The following DOCK8 variants were observed in gnomAD, a reference collection of about 807,000 sequenced individuals.
DOCK8 encodes dedicator of cytokinesis protein 8.
Under a neutral mutation model 245.6 loss-of-function variants are expected in DOCK8, and 141 were observed. The ratio of observed to expected loss-of-function variants is 0.57; its 90% CI spans 0.50 to 0.66. DOCK8 has a LOEUF of 0.66. Ranked by LOEUF, DOCK8 falls within the 30% of genes least tolerant of loss-of-function variation. DOCK8 has a pLI of 0.00. For missense variants in DOCK8, 2,965 were observed against 2,603.4 expected (o/e 1.14, Z -3.02); for synonymous variants, 1,168 against 970.2 (o/e 1.20, Z -3.79).
intron 1 of DOCK8, among the ~76,000 whole-genome samples, chr9:249,202 C>T (rs2047588212): frequency 6.6e-6 from 1 of 152,222 alleles, no homozygotes; most frequent in Non-Finnish European, 1.5e-5. Context: ...GGTCCTATGG[C>T]ATGACTGGGG....
intron 33 of DOCK8, among the ~76,000 whole-genome samples, chr9:426,042 T>C (rs138584094): frequency 4.7e-4 from 72 of 152,250 alleles, no homozygotes; most frequent in Non-Finnish European, 8.4e-4. Flanking sequence ...TGGTAACATC[T>C]TGGCTACTGA....
At chr9:426,097 A>G (rs996019729) in intron 33 of DOCK8, among the ~76,000 whole-genome samples, 2 of 152,090 alleles carry the variant, frequency 1.3e-5, no homozygotes, top group Non-Finnish European at 1.5e-5. Flanking sequence ...TTTCCTTGCA[A>G]CTAGATTTGG....
At chr9:316,248 G>A (rs1450171441) in intron 6 of DOCK8, among the ~76,000 whole-genome samples, 1 of 152,230 alleles carries the variant, frequency 6.6e-6, no homozygotes, top group Non-Finnish European at 1.5e-5. Flanking sequence ...GCACTCACCA[G>A]TGTTTGGAAA....
chr9:217,993 A>T (rs996085475), intron 1 of DOCK8, among the ~76,000 whole-genome samples: 8 of 152,190 alleles, frequency 5.3e-5, no homozygotes, highest in Admixed American at 3.3e-4. Context: ...ATTAATTTTT[A>T]AAAAATCATC....
At chr9:417,872 C>T (rs1479158635) in intron 29 of DOCK8, among the ~76,000 whole-genome samples, 196 bp from the exon 30 acceptor site, 1 of 152,134 alleles carries the variant, frequency 6.6e-6, no homozygotes, top group East Asian at 1.9e-4. Flanking sequence ...TAATTTCTAG[C>T]CTAATCTTGT....
chr9:382,369 A>C, intron 21 of DOCK8, 144 bp from the exon 22 acceptor site: 2 of 1,151,678 alleles, frequency 1.7e-6, no homozygotes, highest in Non-Finnish European at 1.3e-6. Flanking sequence ...TCCTACCCCA[A>C]CCAGGATTTG....
chr9:286,457 C>T lies in DOCK8; in HGVS notation c.157-4C>T, dbSNP rs748270658. 14 of 1,613,686 alleles carry T rather than the reference C, an allele frequency of 8.7e-6. No individual in the cohort carries two copies. The highest frequency in any genetic ancestry group is 8.5e-6 in the Non-Finnish European group (10 of 1,179,796). On this transcript the variant is annotated splice_polypyrimidine_tract_variant and splice_region_variant and intron_variant, in intron 2 of 47. Transcript: ENST00000432829. ...CCTCCTTTTCCTTTTCCCTGCCCCT[C>T]CAGCCTCAGTTTTATGACCCTGTGG...
At chr9:434,085 A>G in intron 38 of DOCK8, 110 bp downstream of exon 38, 1 of 795,278 alleles carries the variant, frequency 1.3e-6, no homozygotes, top group Non-Finnish European at 2.2e-6. Flanking sequence ...AGTGATTTGG[A>G]TGATAGCCAA....
In DOCK8 at chr9:435,022, G is replaced by A. The variant is rs769844534; in HGVS notation, c.5079+47G>A. 2.5e-6 allele frequency: 4 copies of A among 1,602,950 alleles called. No homozygotes were observed. In the South Asian group the frequency reaches 3.3e-5, roughly 13 times the overall value. On this transcript the variant is annotated intron_variant, in intron 39 of 47. Coordinates refer to ENST00000432829, the MANE Select transcript of DOCK8 (RefSeq NM_203447.4). ...CCTTAGAGCAGTGGTTCTCAACTGG[G>A]GCGATTTTGTCCCCCAGCCCCAGGG...
intron 1 of DOCK8, among the ~76,000 whole-genome samples, chr9:234,031 G>C (rs1298484247): frequency 3.9e-5 from 6 of 152,124 alleles, no homozygotes; most frequent in Non-Finnish European, 8.8e-5. Context: ...GCAGTGGCTG[G>C]TACTGGTTGT....
At chr9:371,713 A>C in intron 17 of DOCK8, 147 bp downstream of exon 17, 1 of 1,140,924 alleles carries the variant, frequency 8.8e-7, no homozygotes, top group South Asian at 1.4e-5. Context: ...CAAGAGGCAG[A>C]AATGATTTGC....
chr9:407,304 G>C (rs1174031129), intron 28 of DOCK8, among the ~76,000 whole-genome samples: 1 of 152,100 alleles, frequency 6.6e-6, no homozygotes, highest in Non-Finnish European at 1.5e-5. Flanking sequence ...GACTTTTCTT[G>C]GTCAACTATT....
chr9:242,994 T>C (rs2047413074), intron 1 of DOCK8, among the ~76,000 whole-genome samples: 1 of 152,168 alleles, frequency 6.6e-6, no homozygotes, highest in African/African-American at 2.4e-5. Flanking sequence ...AAGAGTTTTT[T>C]CTATCTTTTC....
chr9:446,536 A>G lies in DOCK8; in HGVS notation c.5747A>G (p.Asn1916Ser). The G allele has an allele frequency of 1.2e-6, 2 of 1,614,212 alleles. No homozygotes were observed. Among genetic ancestry groups the G allele is most frequent in the Middle Eastern group, 1.6e-4 (1 of 6,062 alleles). ...RGELHEQYRR[N>S]TVLTTMHAFP... ...GAGCTGCATGAGCAGTACAGAAGGA[A>G]CACAGTCCTGACCACTATGCACGCC... Residue 1916 changes from asparagine (N) to serine (S), a missense_variant, in exon 44 of 48, where the codon AAC (asparagine) becomes AGC (serine). Coordinates refer to ENST00000432829, the MANE Select transcript of DOCK8 (RefSeq NM_203447.4).
chr9:419,095 G>C (rs1245442879), intron 30 of DOCK8, among the ~76,000 whole-genome samples: 2 of 152,148 alleles, frequency 1.3e-5, no homozygotes, highest in African/African-American at 2.4e-5. Flanking sequence ...GATGAGCTCT[G>C]ACTATCCCTT....
intron 46 of DOCK8, among the ~76,000 whole-genome samples, chr9:458,806 C>G (rs1257704071): frequency 1.1e-4 from 17 of 152,198 alleles, no homozygotes; most frequent in African/African-American, 3.1e-4. Flanking sequence ...ATGAGATCCT[C>G]TCTCTAAAAA....
chr9:449,163 C>T (rs1587090064), intron 44 of DOCK8, among the ~76,000 whole-genome samples: 1 of 152,112 alleles, frequency 6.6e-6, no homozygotes, highest in Non-Finnish European at 1.5e-5. Flanking sequence ...CCAGCCTGGC[C>T]AACATAGAGA....
intron 1 of DOCK8, among the ~76,000 whole-genome samples, chr9:242,178 A>G (rs545727616): frequency 6.6e-6 from 1 of 152,294 alleles, no homozygotes; most frequent in South Asian, 2.1e-4. Context: ...AGTTCATTTC[A>G]GGGCTAACTT....
In DOCK8 at chr9:432,341, A is replaced by G. The variant is rs757410184; in HGVS notation, c.4785+17A>G. 6.2e-7 allele frequency: 1 copy of G among 1,613,752 alleles called. No homozygotes were observed. The highest frequency in any genetic ancestry group is 1.3e-5 in the African/African-American group (1 of 74,958). On this transcript the variant is annotated intron_variant, in intron 37 of 47. Transcript: ENST00000432829. ...CCCACCCAGGTACACCGAAGCACATACCTTGTCTCATGCATGAGTTTGGGA... is the reference window on the plus strand; with the variant it reads ...CCCACCCAGGTACACCGAAGCACATGCCTTGTCTCATGCATGAGTTTGGGA...
Sources: gnomAD v4.1 joint callset for allele counts (sites outside exome capture counted in the v4.1 genomes callset) on GRCh38, gnomAD v4.1.1 for gene constraint, MANE v1.5 for transcripts, NCBI Gene and HGNC (gene_info 2026-07-23, HGNC 2026-07-21) for gene names.